Variants in TMEM132D observed in about 807,000 individuals in gnomAD.
The protein encoded by TMEM132D is mature OL transmembrane protein.
In TMEM132D, 21 loss-of-function variants were observed where a neutral mutation model predicts 62.3. The observed-to-expected ratio is 0.34, with a 90% CI of 0.24 to 0.49. TMEM132D has a LOEUF of 0.49. Ranked by LOEUF, TMEM132D falls within the 20% of genes least tolerant of loss-of-function variation. The probability of loss-of-function intolerance (pLI) is 0.99; values close to 1 mark genes in which losing one functional copy is unlikely to be tolerated. For missense variants in TMEM132D, 1,346 were observed against 1,402.8 expected (o/e 0.96, Z 0.65); for synonymous variants, 621 against 575.6 (o/e 1.08, Z -1.13).
chr12:129,524,066 C>T (rs946502726), intron 3 of TMEM132D, among the ~76,000 whole-genome samples: 9 of 151,818 alleles, frequency 5.9e-5, no homozygotes, highest in Non-Finnish European at 1.2e-4. Flanking sequence ...GAACATCACA[C>T]ACCGGGGCCT....
rs909079144 is a variant in TMEM132D, at chr12:129,074,905, G to A, written c.2270C>T (p.Ala757Val). 6.2e-7 allele frequency: 1 copy of A among 1,613,896 alleles called. No individual in the cohort carries two copies. The highest frequency in any genetic ancestry group is 2.2e-5 in the East Asian group (1 of 44,864). Residue 757 changes from alanine to valine, a missense_variant, in exon 9 of 9, where the codon GCT (alanine) becomes GTT (valine). Coordinates refer to ENST00000422113, the MANE Select transcript of TMEM132D (RefSeq NM_133448.3). ...QDPKFKWPII[A>V]AETEGQGTLV... ...GGTGCCTTGTCCTTCTGTTTCCGCA[G>A]CAATGATAGGCCACTTGAATTTGGG...
chr12:129,700,643 G>A lies in TMEM132D; in HGVS notation c.135C>T (p.Thr45=), dbSNP rs1450893600. 1 of 1,613,908 alleles carries A rather than the reference G, an allele frequency of 6.2e-7. No individual in the cohort carries two copies. The highest frequency in any genetic ancestry group is 2.2e-5 in the East Asian group (1 of 44,844). Residue 45 remains threonine (T), a synonymous_variant, in exon 2 of 9, where the codon ACC becomes ACT. Transcript: ENST00000422113. The part of the protein sequence containing the change: ...ESIQRFSLLP[T]YLPVTYHINN... ...TGATGTGGTAGGTCACGGGGAGGTAGGTGGGCAGCAAGGAAAACCTCTGGA... is the reference window on the plus strand; with the variant it reads ...TGATGTGGTAGGTCACGGGGAGGTAAGTGGGCAGCAAGGAAAACCTCTGGA...
intron 4 of TMEM132D, among the ~76,000 whole-genome samples, chr12:129,244,394 A>AC (rs1555240884): frequency 2.0e-4 from 9 of 45,456 alleles, no homozygotes; most frequent in Admixed American, 5.0e-4. Context: ...TCAAAAAAAA[A>AC]AAAAAAAAAA....
rs1412524928 is a variant in TMEM132D, at chr12:129,337,829, A to G, written c.1116-12T>C. 1 of 1,593,512 alleles carries G rather than the reference A, an allele frequency of 6.3e-7. No homozygotes were observed. ...AGGCGCCATCCGCACTGGAGAGAAG[A>G]CACAGAGGAGAACAGCTTTCAGGGA... On this transcript the variant is annotated splice_polypyrimidine_tract_variant and intron_variant, in intron 3 of 8. Transcript: ENST00000422113.
chr12:129,612,664 CT>C (rs1878807047), intron 2 of TMEM132D, among the ~76,000 whole-genome samples: 1 of 151,626 alleles, frequency 6.6e-6, no homozygotes, highest in Non-Finnish European at 1.5e-5. Context: ...CATCTTATTT[CT>C]TTGTTTATCA....
intron 5 of TMEM132D, among the ~76,000 whole-genome samples, chr12:129,161,688 C>G (rs1422955079): frequency 1.3e-5 from 2 of 152,220 alleles, no homozygotes; most frequent in African/African-American, 2.4e-5. Context: ...GTGCCAGCCT[C>G]TCCCCTGGCA....
At chr12:129,396,076 C>G (rs958768588) in intron 3 of TMEM132D, among the ~76,000 whole-genome samples, 3 of 148,952 alleles carry the variant, frequency 2.0e-5, no homozygotes, top group Non-Finnish European at 4.4e-5. Context: ...TATTATGTAT[C>G]TATTATATCT....
rs376921592 is a variant in TMEM132D, at chr12:129,386,623, G to A, written c.1116-48806C>T. Among the ~76,000 whole-genome samples, 77 of 149,248 alleles carry A rather than the reference G, an allele frequency of 5.2e-4. 1 individual carries two copies. The East Asian group carries it at 0.013, about 25-fold the overall frequency. ...TAACACCAACACCGACACCACCAATGCTAACAGTATCACTAGTCATAATAC... is the reference window on the plus strand; with the variant it reads ...TAACACCAACACCGACACCACCAATACTAACAGTATCACTAGTCATAATAC... On this transcript the variant is annotated intron_variant, in intron 3 of 8. Coordinates refer to ENST00000422113, the MANE Select transcript of TMEM132D (RefSeq NM_133448.3).
intron 4 of TMEM132D, among the ~76,000 whole-genome samples, chr12:129,275,541 A>C (rs1446422864): frequency 6.6e-6 from 1 of 152,186 alleles, no homozygotes; most frequent in East Asian, 1.9e-4. Context: ...AGGAAACTTC[A>C]TATCCCCTGG....
At chr12:129,831,188 A>G (rs2137334085) in intron 1 of TMEM132D, among the ~76,000 whole-genome samples, 1 of 152,306 alleles carries the variant, frequency 6.6e-6, no homozygotes, top group East Asian at 1.9e-4. Context: ...ACTCACCAGC[A>G]CATCACTGAA....
intron 2 of TMEM132D, among the ~76,000 whole-genome samples, chr12:129,634,910 T>C (rs1408336985): frequency 6.6e-6 from 1 of 152,208 alleles, no homozygotes; most frequent in Non-Finnish European, 1.5e-5. Context: ...TTAGAAACAT[T>C]ATGCTGCTTT....
intron 5 of TMEM132D, among the ~76,000 whole-genome samples, chr12:129,144,582 G>T (rs1046923027): frequency 6.6e-6 from 1 of 152,142 alleles, no homozygotes; most frequent in Non-Finnish European, 1.5e-5. Flanking sequence ...TCCAGCCCTA[G>T]CTGGGCTTCC....
At chr12:129,464,468 G>T (rs1382464348) in intron 3 of TMEM132D, among the ~76,000 whole-genome samples, 6 of 152,242 alleles carry the variant, frequency 3.9e-5, no homozygotes, top group East Asian at 1.9e-4. Context: ...AGAAGCTCTT[G>T]AGTTTTATTA....
chr12:129,543,523 A>G (rs1876650504), intron 2 of TMEM132D, among the ~76,000 whole-genome samples: 3 of 152,248 alleles, frequency 2.0e-5, no homozygotes, highest in South Asian at 4.1e-4. Context: ...AGTGAACATC[A>G]GAGCTTAGCC....
At chr12:129,520,751 TA>T (rs934192395) in intron 3 of TMEM132D, among the ~76,000 whole-genome samples, 3 of 152,208 alleles carry the variant, frequency 2.0e-5, no homozygotes, top group African/African-American at 7.2e-5. Context: ...GTCTTGATAT[TA>T]AAAACCAAAT....
At chr12:129,713,274 C>T (rs1868446434) in intron 1 of TMEM132D, among the ~76,000 whole-genome samples, 1 of 152,134 alleles carries the variant, frequency 6.6e-6, no homozygotes, top group African/African-American at 2.4e-5. Context: ...ACTATTCAAG[C>T]CAATTTCTGT....
intron 3 of TMEM132D, among the ~76,000 whole-genome samples, chr12:129,486,350 T>C (rs1874578795): frequency 6.6e-6 from 1 of 152,184 alleles, no homozygotes; most frequent in Non-Finnish European, 1.5e-5. Flanking sequence ...CAGGTCTTTC[T>C]TCTGGGTGAA....
intron 5 of TMEM132D, among the ~76,000 whole-genome samples, chr12:129,197,305 T>G (rs903722285): frequency 6.6e-6 from 1 of 152,188 alleles, no homozygotes; most frequent in African/African-American, 2.4e-5. Context: ...AGGCAGAGTT[T>G]GCCGACCCCT....
chr12:129,470,508 GGT>G lies in TMEM132D; in HGVS notation c.1115+60549_1115+60550del, dbSNP rs535662671. On this transcript the variant is annotated intron_variant, in intron 3 of 8. Transcript: ENST00000422113. Reference sequence around the variant, plus strand: ...GTTTCCTGATTTACTTCATCCTCCTGGTGATTCTCTGTGATGGGTACTTTTTC... The same window carrying G: ...GTTTCCTGATTTACTTCATCCTCCTGGATTCTCTGTGATGGGTACTTTTTC... Among the ~76,000 whole-genome samples, 4 of 152,186 alleles carry G rather than the reference GGT, an allele frequency of 2.6e-5. No individual in the cohort carries two copies. The South Asian group carries it at 6.2e-4, about 24-fold the overall frequency.
Sources: gnomAD v4.1 joint callset for allele counts (sites outside exome capture counted in the v4.1 genomes callset) on GRCh38, gnomAD v4.1.1 for gene constraint, MANE v1.5 for transcripts, NCBI Gene and HGNC (gene_info 2026-07-23, HGNC 2026-07-21) for gene names.